Variants in NCOA2 observed in about 807,000 individuals in gnomAD.
NCOA2 encodes nuclear receptor coactivator 2, also known as class E basic helix-loop-helix protein 75.
Under a neutral mutation model 145.1 loss-of-function variants are expected in NCOA2, and 21 were observed. The ratio of observed to expected loss-of-function variants is 0.14; its 90% CI spans 0.10 to 0.21. The LOEUF (loss-of-function observed/expected upper bound fraction) is 0.21, where lower values mean the gene tolerates loss of function less well. Among genes scored for constraint, NCOA2 ranks in the 10% least tolerant of loss-of-function variants. The probability of loss-of-function intolerance (pLI) is 1.00; values close to 1 mark genes in which losing one functional copy is unlikely to be tolerated. For synonymous variants in NCOA2, 619 were observed against 637.5 expected (o/e 0.97, Z 0.44); for missense variants, 1,472 against 1,837.6 (o/e 0.80, Z 3.64).
At chr8:70,258,100 A>G (rs1823798569) in intron 2 of NCOA2, among the ~76,000 whole-genome samples, 1 of 151,954 alleles carries the variant, frequency 6.6e-6, no homozygotes, top group Non-Finnish European at 1.5e-5. Flanking sequence ...TATTTTTTGT[A>G]CAGATAGGAT....
At chr8:70,227,748 C>T (rs1820781114) in intron 2 of NCOA2, among the ~76,000 whole-genome samples, 1 of 152,114 alleles carries the variant, frequency 6.6e-6, no homozygotes, top group Non-Finnish European at 1.5e-5. Context: ...GGTGCAGTGG[C>T]TCACACCTGT....
intron 4 of NCOA2, among the ~76,000 whole-genome samples, chr8:70,175,539 T>C (rs1413501457): frequency 6.6e-6 from 1 of 152,222 alleles, no homozygotes; most frequent in Non-Finnish European, 1.5e-5. Context: ...GCAAGGCAAA[T>C]TTTAGGCTCA....
intron 2 of NCOA2, among the ~76,000 whole-genome samples, chr8:70,241,812 G>C (rs191658611): frequency 6.6e-6 from 1 of 152,128 alleles, no homozygotes; most frequent in African/African-American, 2.4e-5. Flanking sequence ...CCATAGAACA[G>C]GACCTGGCAT....
rs61028027 is a variant in NCOA2 at position 70,314,180 on chromosome 8, C to CAAAAAAA, written c.-76-17387_-76-17381dup. Among the ~76,000 whole-genome samples the CAAAAAAA allele has an allele frequency of 2.3e-3, 40 of 17,196 alleles. 5 individuals are homozygous for CAAAAAAA. Among genetic ancestry groups the CAAAAAAA allele is most frequent in the African/African-American group, 4.2e-3 (38 of 8,954 alleles). The allele number at this position is 17,196 out of a possible 152,430, so 11.3% of individuals were successfully genotyped here. On this transcript the variant is annotated intron_variant, in intron 1 of 22. Transcript: ENST00000452400. ...GGGCGACAGAGCAAGACTCTGACTC[C>CAAAAAAA]AAAAAAAAAAAAAAAAAAAAAAAAA...
At chr8:70,114,908 C>T (rs761752279) in intron 22 of NCOA2, among the ~76,000 whole-genome samples, 2 of 152,084 alleles carry the variant, frequency 1.3e-5, no homozygotes, top group African/African-American at 2.4e-5. Context: ...TTACATTAGC[C>T]CCTGATCAGG....
At chr8:70,369,512 A>G (rs1228929223) in intron 1 of NCOA2, among the ~76,000 whole-genome samples, 1 of 152,190 alleles carries the variant, frequency 6.6e-6, no homozygotes, top group African/African-American at 2.4e-5. Flanking sequence ...TGAGGCATGG[A>G]CCCAATTATC....
At chr8:70,391,291 G>A (rs1813184513) in intron 1 of NCOA2, among the ~76,000 whole-genome samples, 1 of 152,174 alleles carries the variant, frequency 6.6e-6, no homozygotes, top group African/African-American at 2.4e-5. Context: ...AGCCAAGGGG[G>A]CTGTAAAATT....
At chr8:70,416,415 C>A in the NCOA2 span, among the ~76,000 whole-genome samples, 1 of 152,142 alleles carries the variant, frequency 6.6e-6, no homozygotes, top group Non-Finnish European at 1.5e-5. Flanking sequence ...TTAAGCCATA[C>A]TTAATCTCCA....
intron 2 of NCOA2, among the ~76,000 whole-genome samples, chr8:70,280,298 C>T (rs1218413693): frequency 1.3e-5 from 2 of 152,194 alleles, no homozygotes; most frequent in Non-Finnish European, 2.9e-5. Context: ...GAAATTGTGA[C>T]ATCTGAAGCT....
chr8:70,214,218 A>G, intron 3 of NCOA2, 143 bp from the exon 4 acceptor site: 1 of 796,948 alleles, frequency 1.3e-6, no homozygotes, highest in Non-Finnish European at 1.9e-6. Flanking sequence ...GGAAAAACAC[A>G]ATTTTCCAAA....
chr8:70,346,951 AT>A (rs1156417714), intron 1 of NCOA2, among the ~76,000 whole-genome samples: 3 of 152,224 alleles, frequency 2.0e-5, no homozygotes, highest in Admixed American at 2.0e-4. Context: ...CATTTTAATA[AT>A]TGACAATATC....
intron 1 of NCOA2, among the ~76,000 whole-genome samples, chr8:70,393,944 A>G (rs1813429787): frequency 6.6e-6 from 1 of 152,206 alleles, no homozygotes; most frequent in African/African-American, 2.4e-5. Flanking sequence ...AAGTTCAGTC[A>G]GCGAATATGT....
At chr8:70,435,208 G>C in the NCOA2 span, among the ~76,000 whole-genome samples, 2 of 151,116 alleles carry the variant, frequency 1.3e-5, no homozygotes, top group Admixed American at 1.3e-4. Context: ...GGCGGATCAC[G>C]AGGTCAGGAG....
At chr8:70,119,308 A>G (rs541990411) in intron 22 of NCOA2, among the ~76,000 whole-genome samples, 1 of 152,314 alleles carries the variant, frequency 6.6e-6, no homozygotes, top group African/African-American at 2.4e-5. Context: ...CATGCAATAG[A>G]TATTTGTCTT....
chr8:70,254,178 A>C (rs183184853), intron 2 of NCOA2, among the ~76,000 whole-genome samples: 1 of 152,378 alleles, frequency 6.6e-6, no homozygotes, highest in East Asian at 1.9e-4. Context: ...AATGCAAATA[A>C]GAAGCACAAT....
In NCOA2 at chr8:70,111,736, G is replaced by T. The variant is rs934182327; in HGVS notation, c.*1896C>A. ...TATATTTCCATAATGCGTACATATA[G>T]AGAGAGATATAAGTATAAATAGGGG... On this transcript the variant is annotated 3_prime_UTR_variant, in exon 23 of 23. Coordinates refer to ENST00000452400, the MANE Select transcript of NCOA2 (RefSeq NM_006540.4). 4 of 216,208 alleles carry T rather than the reference G, an allele frequency of 1.9e-5. No individual in the cohort carries two copies. The highest frequency in any genetic ancestry group is 2.8e-5 in the Non-Finnish European group (3 of 107,626). The allele number at this position is 216,208 out of a possible 1,614,324, so 13.4% of individuals were successfully genotyped here.
chr8:70,135,254 C>T (rs990364267), intron 15 of NCOA2, among the ~76,000 whole-genome samples: 8 of 152,200 alleles, frequency 5.3e-5, no homozygotes, highest in Non-Finnish European at 1.0e-4. Context: ...TCCTCATAGA[C>T]TGCCCCGCTT....
At chr8:70,267,624 T>C (rs1656353796) in intron 2 of NCOA2, among the ~76,000 whole-genome samples, 1 of 151,992 alleles carries the variant, frequency 6.6e-6, no homozygotes, top group African/African-American at 2.4e-5. Flanking sequence ...GTTACCCAGG[T>C]TGGAAGATCC....
intron 13 of NCOA2, among the ~76,000 whole-genome samples, chr8:70,142,127 C>T (rs1277417866): frequency 1.3e-5 from 2 of 152,204 alleles, no homozygotes; most frequent in Non-Finnish European, 2.9e-5. Context: ...TCTGTCCTGT[C>T]CTGGCCCCCA....
Sources: allele counts gnomAD v4.1 joint callset (sites outside exome capture counted in the v4.1 genomes callset), GRCh38; gene constraint gnomAD v4.1.1; transcripts MANE v1.5; gene names NCBI Gene and HGNC (gene_info 2026-07-23, HGNC 2026-07-21).